DIAPH3: variants seen among roughly 807,000 people sequenced by gnomAD.
DIAPH3 encodes protein diaphanous homolog 3.
DIAPH3 carries 117 observed loss-of-function variants against 144.3 expected under a neutral mutation model. That is an observed-to-expected ratio of 0.81 (90% CI 0.70 to 0.95). DIAPH3 has a LOEUF of 0.95. Ranked by LOEUF, DIAPH3 falls within the 40% of genes least tolerant of loss-of-function variation. The pLI is 0.00. For missense variants in DIAPH3, 1,421 were observed against 1,412.7 expected (o/e 1.01, Z -0.09); for synonymous variants, 519 against 488.9 (o/e 1.06, Z -0.81).
intron 24 of DIAPH3, among the ~76,000 whole-genome samples, chr13:59,822,354 T>C (rs1198191057): frequency 6.6e-6 from 1 of 152,128 alleles, no homozygotes; most frequent in African/African-American, 2.4e-5. Flanking sequence ...AAGGCAGCAG[T>C]TTTTTGAGTT....
chr13:60,156,274 T>G (rs1236052892), intron 1 of DIAPH3, among the ~76,000 whole-genome samples: 1 of 152,174 alleles, frequency 6.6e-6, no homozygotes, highest in Non-Finnish European at 1.5e-5. Flanking sequence ...CAGAATAATC[T>G]CATTTTAAAA....
chr13:59,955,483 C>T (rs2049348324), intron 17 of DIAPH3, among the ~76,000 whole-genome samples: 1 of 152,152 alleles, frequency 6.6e-6, no homozygotes, highest in Non-Finnish European at 1.5e-5. Context: ...GTTAATTAAA[C>T]TTCTTTTTCT....
chr13:59,801,100 C>T (rs2039878791), intron 25 of DIAPH3, among the ~76,000 whole-genome samples: 1 of 152,152 alleles, frequency 6.6e-6, no homozygotes, highest in African/African-American at 2.4e-5. Context: ...TGAAAACATC[C>T]ACTGAAAATC....
chr13:59,855,353 T>C (rs1163317410), intron 22 of DIAPH3, among the ~76,000 whole-genome samples: 4 of 152,146 alleles, frequency 2.6e-5, no homozygotes, highest in Non-Finnish European at 5.9e-5. Context: ...GTGAAAAAAG[T>C]ATTAATTTAT....
intron 17 of DIAPH3, among the ~76,000 whole-genome samples, chr13:59,963,773 G>T (rs999928197): frequency 2.0e-5 from 3 of 152,136 alleles, no homozygotes; most frequent in African/African-American, 7.2e-5. Context: ...GCCCAGGCTG[G>T]TCATGAACTC....
chr13:60,156,940 T>TATATATATATATA (rs58923567), intron 1 of DIAPH3, among the ~76,000 whole-genome samples: 6 of 27,948 alleles, frequency 2.1e-4, no homozygotes, highest in African/African-American at 4.7e-4. Flanking sequence ...TATATATATA[T>TATATATATATATA]TTTTTTTTTT....
chr13:59,797,706 T>C (rs2039685574), intron 25 of DIAPH3, among the ~76,000 whole-genome samples: 1 of 152,078 alleles, frequency 6.6e-6, no homozygotes, highest in South Asian at 2.1e-4. Flanking sequence ...GACTGACCTG[T>C]TTTCCTTCAA....
chr13:59,769,071 C>G (rs1426026367), intron 27 of DIAPH3, among the ~76,000 whole-genome samples: 1 of 152,080 alleles, frequency 6.6e-6, no homozygotes, highest in East Asian at 1.9e-4. Flanking sequence ...GAAAAGAGAA[C>G]CACCTAATAA....
At chr13:59,710,560 G>A (rs2034680334) in intron 27 of DIAPH3, among the ~76,000 whole-genome samples, 1 of 152,174 alleles carries the variant, frequency 6.6e-6, no homozygotes, top group Admixed American at 6.5e-5. Flanking sequence ...TAACAATCTG[G>A]TTAAAAATGG....
intron 4 of DIAPH3, among the ~76,000 whole-genome samples, chr13:60,062,737 C>T (rs2056821028): frequency 6.6e-6 from 1 of 152,122 alleles, no homozygotes; most frequent in African/African-American, 2.4e-5. Flanking sequence ...TTTTTGGTTT[C>T]CCAGTACACA....
intron 27 of DIAPH3, among the ~76,000 whole-genome samples, chr13:59,754,426 C>G (rs1302936535): frequency 6.6e-6 from 1 of 152,080 alleles, no homozygotes; most frequent in African/African-American, 2.4e-5. Flanking sequence ...GGCATCTTAT[C>G]TTTCTAAAAT....
chr13:60,073,769 CTAAAT>C (rs2057291884), intron 4 of DIAPH3, among the ~76,000 whole-genome samples: 2 of 152,296 alleles, frequency 1.3e-5, no homozygotes, highest in South Asian at 4.1e-4. Flanking sequence ...ATAAAAGTTA[CTAAAT>C]GAGTGCCAAT....
chr13:59,713,075 A>C (rs1270496825), intron 27 of DIAPH3, among the ~76,000 whole-genome samples: 1 of 152,078 alleles, frequency 6.6e-6, no homozygotes, highest in Non-Finnish European at 1.5e-5. Context: ...CCTGCTGCTC[A>C]CCTCCTGATG....
intron 22 of DIAPH3, among the ~76,000 whole-genome samples, chr13:59,859,577 G>T (rs762920790): frequency 6.6e-6 from 1 of 151,930 alleles, no homozygotes; most frequent in Non-Finnish European, 1.5e-5. Flanking sequence ...AAAAACTCCC[G>T]GTGTATTTCA....
At chr13:60,041,483 A>G (rs887663328) in intron 5 of DIAPH3, among the ~76,000 whole-genome samples, 5 of 152,202 alleles carry the variant, frequency 3.3e-5, no homozygotes, top group African/African-American at 1.2e-4. Context: ...TTGACTCATC[A>G]TACTCCTTAG....
At chr13:60,127,442 G>A (rs960013254) in intron 2 of DIAPH3, among the ~76,000 whole-genome samples, 11 of 151,930 alleles carry the variant, frequency 7.2e-5, no homozygotes, top group Admixed American at 2.0e-4. Flanking sequence ...GAAACAATTT[G>A]TCAGTTTCTT....
rs148492264 is a variant in DIAPH3, at chr13:59,914,730, T to A, written c.2265+1425A>T. ...GAATGGTTCTACAAGCCATAGAGTA[T>A]GAGCAACCATGAGAAGCTGGAAATA... On this transcript the variant is annotated intron_variant, in intron 19 of 27. Transcript: ENST00000400324. 5.9e-3 allele frequency among the ~76,000 whole-genome samples: 894 copies of A among 152,258 alleles called. 12 individuals are homozygous for A. The highest frequency in any genetic ancestry group is 0.02 in the African/African-American group (845 of 41,546).
At chr13:59,856,486 A>G (rs1201887576) in intron 22 of DIAPH3, among the ~76,000 whole-genome samples, 1 of 152,182 alleles carries the variant, frequency 6.6e-6, no homozygotes, top group Non-Finnish European at 1.5e-5. Flanking sequence ...GATTTGCTCC[A>G]GGCCCCTCCC....
chr13:59,785,377 C>CTAAA (rs2038982118), intron 25 of DIAPH3, among the ~76,000 whole-genome samples: 1 of 151,782 alleles, frequency 6.6e-6, no homozygotes, highest in African/African-American at 2.4e-5. Flanking sequence ...AATAGAGCAC[C>CTAAA]CAAGAGCAAA....
Sources: allele counts gnomAD v4.1 joint callset (sites outside exome capture counted in the v4.1 genomes callset), GRCh38; gene constraint gnomAD v4.1.1; transcripts MANE v1.5; gene names NCBI Gene and HGNC (gene_info 2026-07-23, HGNC 2026-07-21).